The following AGBL4 variants were observed in gnomAD, a reference collection of about 807,000 sequenced individuals.
AGBL4 encodes the protein cytosolic carboxypeptidase 6.
In AGBL4, 58 loss-of-function variants were observed where a neutral mutation model predicts 66.4. The observed-to-expected ratio is 0.87, with a 90% CI of 0.71 to 1.09. AGBL4 has a LOEUF of 1.09. Ranked by LOEUF, AGBL4 falls within the 50% of genes least tolerant of loss-of-function variation. AGBL4 has a pLI of 0.00. For missense variants in AGBL4, 579 were observed against 631.0 expected, an observed-to-expected ratio of 0.92 and a Z score of 0.88; for synonymous variants, 234 against 222.9, an observed-to-expected ratio of 1.05 and a Z score of -0.44.
intron 5 of AGBL4, among the ~76,000 whole-genome samples, chr1:48,891,118 G>A (rs1650913799): frequency 6.6e-6 from 1 of 152,162 alleles, no homozygotes; most frequent in Non-Finnish European, 1.5e-5. Context: ...ACATTACTGA[G>A]TTTGTAGAAC....
At chr1:48,952,376 A>G (rs1294177002) in intron 5 of AGBL4, among the ~76,000 whole-genome samples, 2 of 152,236 alleles carry the variant, frequency 1.3e-5, no homozygotes, top group Non-Finnish European at 2.9e-5. Context: ...GAGCAAGATA[A>G]TATCAGATAA....
chr1:48,856,526 G>A (rs1257419040), intron 6 of AGBL4, among the ~76,000 whole-genome samples: 1 of 152,058 alleles, frequency 6.6e-6, no homozygotes, highest in East Asian at 1.9e-4. Context: ...TGGCTCTGCA[G>A]GTCTCATATT....
chr1:49,556,719 C>T (rs1022302001), intron 3 of AGBL4, among the ~76,000 whole-genome samples: 2 of 152,004 alleles, frequency 1.3e-5, no homozygotes, highest in East Asian at 3.9e-4. Context: ...CACTCTTCAG[C>T]CCTTGGGCCG....
chr1:49,782,174 A>G (rs1359126282), intron 2 of AGBL4, among the ~76,000 whole-genome samples: 2 of 151,982 alleles, frequency 1.3e-5, no homozygotes, highest in Non-Finnish European at 2.9e-5. Context: ...CAATAAAACC[A>G]AAAGTTAGTT....
At chr1:48,975,010 C>A (rs1262747688) in intron 5 of AGBL4, among the ~76,000 whole-genome samples, 2 of 151,988 alleles carry the variant, frequency 1.3e-5, no homozygotes, top group East Asian at 3.9e-4. Flanking sequence ...ACTATGTTGA[C>A]AGCTACAATA....
intron 11 of AGBL4, among the ~76,000 whole-genome samples, chr1:48,551,164 T>C (rs1221566498): frequency 6.6e-6 from 1 of 152,218 alleles, no homozygotes; most frequent in African/African-American, 2.4e-5. Context: ...TGGCCTTCCA[T>C]AAGCTAGTAT....
At chr1:49,737,736 C>T (rs1650018458) in intron 2 of AGBL4, among the ~76,000 whole-genome samples, 1 of 152,194 alleles carries the variant, frequency 6.6e-6, no homozygotes, top group South Asian at 2.1e-4. Flanking sequence ...ATCATGAAAA[C>T]CAGAAGGCAG....
chr1:49,640,198 C>A (rs1460644657), intron 3 of AGBL4, among the ~76,000 whole-genome samples: 1 of 152,144 alleles, frequency 6.6e-6, no homozygotes, highest in Non-Finnish European at 1.5e-5. Flanking sequence ...TGAAGCTTTA[C>A]TCATTAGACA....
At chr1:49,884,043 A>C (rs1164248966) in intron 1 of AGBL4, among the ~76,000 whole-genome samples, 3 of 151,996 alleles carry the variant, frequency 2.0e-5, no homozygotes, top group Non-Finnish European at 2.9e-5. Context: ...TAACTTTTAT[A>C]TTTATTGACT....
intron 4 of AGBL4, among the ~76,000 whole-genome samples, chr1:49,221,996 C>T (rs1013524806): frequency 5.3e-5 from 8 of 152,116 alleles, no homozygotes; most frequent in East Asian, 1.9e-4. Context: ...CTCTTACTAA[C>T]GGAAGGGCCT....
At chr1:49,231,141 A>G (rs1650279349) in intron 4 of AGBL4, among the ~76,000 whole-genome samples, 1 of 152,208 alleles carries the variant, frequency 6.6e-6, no homozygotes, top group Non-Finnish European at 1.5e-5. Context: ...TAATTCTTAA[A>G]CAGTAAGATT....
At chr1:49,720,417 T>C (rs1353725905) in intron 2 of AGBL4, among the ~76,000 whole-genome samples, 1 of 152,196 alleles carries the variant, frequency 6.6e-6, no homozygotes, top group Admixed American at 6.5e-5. Context: ...ATATTTTGGC[T>C]ACTAGAAGAA....
chr1:49,639,087 C>A (rs935319321), intron 3 of AGBL4, among the ~76,000 whole-genome samples: 2 of 152,238 alleles, frequency 1.3e-5, no homozygotes, highest in Non-Finnish European at 2.9e-5. Context: ...CAGCAGTGTG[C>A]ATCTATTCAG....
At chr1:48,593,561 C>A (rs908317573) in intron 9 of AGBL4, among the ~76,000 whole-genome samples, 1 of 151,934 alleles carries the variant, frequency 6.6e-6, no homozygotes, top group Admixed American at 6.6e-5. Context: ...ACCATCCTGG[C>A]CAACACAGTG....
At chr1:49,043,537 T>A (rs1209916453) in intron 5 of AGBL4, among the ~76,000 whole-genome samples, 1 of 152,194 alleles carries the variant, frequency 6.6e-6, no homozygotes, top group African/African-American at 2.4e-5. Context: ...CACTGTACTT[T>A]GTCATTGCAT....
chr1:48,572,444 A>C (rs759401767), intron 11 of AGBL4, among the ~76,000 whole-genome samples: 1 of 151,420 alleles, frequency 6.6e-6, no homozygotes, highest in Non-Finnish European at 1.5e-5. Context: ...AAGAGGTGGG[A>C]GGAAAGAAGG....
At chr1:49,347,760 T>C (rs1264165688) in intron 3 of AGBL4, among the ~76,000 whole-genome samples, 1 of 151,652 alleles carries the variant, frequency 6.6e-6, no homozygotes, top group Non-Finnish European at 1.5e-5. Flanking sequence ...CTCGGGAGGC[T>C]GCAGCAGGAG....
intron 5 of AGBL4, among the ~76,000 whole-genome samples, chr1:48,981,620 C>T (rs966331421): frequency 3.3e-5 from 5 of 152,188 alleles, no homozygotes; most frequent in Non-Finnish European, 2.9e-5. Flanking sequence ...TGCAGTGGCT[C>T]ATGCGTGTAA....
chr1:48,969,171 C>G (rs1428227461), intron 5 of AGBL4, among the ~76,000 whole-genome samples: 1 of 139,166 alleles, frequency 7.2e-6, no homozygotes, highest in Non-Finnish European at 1.5e-5. Context: ...AAATTAGGAA[C>G]TTTCCATATG....
Sources: allele counts gnomAD v4.1 joint callset (sites outside exome capture counted in the v4.1 genomes callset), GRCh38; gene constraint gnomAD v4.1.1; transcripts MANE v1.5; gene names NCBI Gene and HGNC (gene_info 2026-07-23, HGNC 2026-07-21).